PTH2R: variants seen among roughly 807,000 people sequenced by gnomAD.
The protein encoded by PTH2R is parathyroid hormone 2 receptor, also known as PTH2 receptor.
Under a neutral mutation model 60.3 loss-of-function variants are expected in PTH2R, and 59 were observed. The ratio of observed to expected loss-of-function variants is 0.98; its 90% CI spans 0.79 to 1.22. The LOEUF is 1.22. PTH2R is among the 50% of genes most tolerant of loss of function. The pLI is 0.00. For synonymous variants in PTH2R, 256 were observed against 243.8 expected (o/e 1.05, Z -0.47); for missense variants, 749 against 682.6 (o/e 1.10, Z -1.08).
Position 208,442,470 on chromosome 2 carries a change from TGC to T in PTH2R, c.509+10_509+11del. On this transcript the variant is annotated intron_variant, in intron 5 of 12. Transcript: ENST00000272847. ...ATCATTGGTTACTTCAGGTGAGTGA[TGC>T]CCATCACTTTTTCCATGAAGGGGCA... is the stretch of plus-strand genomic sequence containing the variant. The T allele has an allele frequency of 6.3e-7, 1 of 1,575,226 alleles. No homozygotes were observed. The highest frequency in any genetic ancestry group is 8.7e-7 in the Non-Finnish European group (1 of 1,144,678).
chr2:208,397,640 G>A (rs2105820397), intron 1 of PTH2R, among the ~76,000 whole-genome samples: 1 of 152,314 alleles, frequency 6.6e-6, no homozygotes, highest in African/African-American at 2.4e-5. Flanking sequence ...TATATGAGGA[G>A]GCTGGAGGAG....
At chr2:208,440,677 A>C (rs969498430) in intron 4 of PTH2R, among the ~76,000 whole-genome samples, 4 of 152,202 alleles carry the variant, frequency 2.6e-5, no homozygotes, top group Non-Finnish European at 5.9e-5. Flanking sequence ...CAGGCTATTG[A>C]AGGGGACAAA....
At chr2:208,435,128 T>TAGAGATCAGAACCTTATCTGATCTC (rs1367418232) in intron 2 of PTH2R, among the ~76,000 whole-genome samples, 1 of 152,244 alleles carries the variant, frequency 6.6e-6, no homozygotes, top group Non-Finnish European at 1.5e-5. Flanking sequence ...TATTTTTCTG[T>TAGAGATCAGAACCTTATCTGATCTC]AGAGATCAGT....
chr2:208,425,932 T>A (rs1701849400), intron 1 of PTH2R, among the ~76,000 whole-genome samples: 1 of 152,218 alleles, frequency 6.6e-6, no homozygotes, highest in Admixed American at 6.5e-5. Context: ...TCTCTCTGCC[T>A]TTTAGAATAT....
Position 208,437,867 on chromosome 2 carries a change from A to G in PTH2R, c.397A>G (p.Ile133Val), listed in dbSNP as rs1483364186. The G allele has an allele frequency of 1.2e-6, 2 of 1,613,500 alleles. No individual in the cohort carries two copies. Among genetic ancestry groups the G allele is most frequent in the Admixed American group, 3.3e-5 (2 of 59,994 alleles). ...CTGCCTTCGCTTTCTGCAGCCAGAT[A>G]TCAGCATAGGAAAGGTAATGGAATT... Reference protein sequence around the residue: ...SDCLRFLQPDISIGKQEFFER... With the variant: ...SDCLRFLQPDVSIGKQEFFER... Residue 133 changes from isoleucine (I) to valine (V), a missense_variant, in exon 4 of 13, where the codon ATC becomes GTC. Ile to Val is a conservative substitution (Grantham distance 29). Coordinates refer to ENST00000272847, the MANE Select transcript of PTH2R (RefSeq NM_005048.4).
Position 208,428,265 on chromosome 2 carries a change from A to G in PTH2R, c.140A>G (p.Gln47Arg). The G allele has an allele frequency of 3.7e-6, 6 of 1,613,566 alleles. No individual in the cohort carries two copies. The highest frequency in any genetic ancestry group is 5.1e-6 in the Non-Finnish European group (6 of 1,179,810). Residue 47 changes from glutamine (Q) to arginine (R), a missense_variant, in exon 2 of 13, where the codon CAA (glutamine) becomes CGA (arginine). Gln to Arg is a conservative substitution (Grantham distance 43, BLOSUM62 1). Coordinates refer to ENST00000272847, the MANE Select transcript of PTH2R (RefSeq NM_005048.4). ...QIVLVLKAKV[Q>R]CELNITAQLQ... ...GTCCTTGTGCTGAAAGCGAAAGTAC[A>G]ATGTGAACTCAACATCACAGCTCAA...
chr2:208,441,274 A>G (rs1237277557), intron 4 of PTH2R, among the ~76,000 whole-genome samples: 3 of 152,216 alleles, frequency 2.0e-5, no homozygotes, highest in Non-Finnish European at 4.4e-5. Flanking sequence ...AGAGACATAT[A>G]GGGCGAAGTC....
chr2:208,371,603 T>C (rs1224717614), intron 1 of PTH2R, among the ~76,000 whole-genome samples: 1 of 152,114 alleles, frequency 6.6e-6, no homozygotes, highest in Non-Finnish European at 1.5e-5. Flanking sequence ...CCTCCCAACA[T>C]GACCAAGCTT....
intron 4 of PTH2R, among the ~76,000 whole-genome samples, chr2:208,441,798 G>A (rs773622112): frequency 3.2e-4 from 48 of 152,222 alleles, no homozygotes; most frequent in Non-Finnish European, 4.0e-4. Context: ...ATAAATATGC[G>A]TGTCGCATCA....
intron 1 of PTH2R, among the ~76,000 whole-genome samples, chr2:208,369,366 C>CTTTTTTT (rs34110985): frequency 0.032 from 4,301 of 134,692 alleles, 157 homozygotes; most frequent in African/African-American, 0.064. Context: ...ACTGGTCTCT[C>CTTTTTTT]TCTCTTTTTT....
intron 7 of PTH2R, among the ~76,000 whole-genome samples, chr2:208,446,669 A>T (rs1702293791): frequency 6.6e-6 from 1 of 152,228 alleles, no homozygotes; most frequent in South Asian, 2.1e-4. Flanking sequence ...TCTAGGGCAT[A>T]TATAATGAAA....
At chr2:208,382,867 G>A (rs1386029772) in intron 1 of PTH2R, among the ~76,000 whole-genome samples, 1 of 152,244 alleles carries the variant, frequency 6.6e-6, no homozygotes, top group Non-Finnish European at 1.5e-5. Flanking sequence ...CACACTGCAT[G>A]CTGCTAGTGT....
intron 9 of PTH2R, chr2:208,466,097 A>C (rs1702745808): frequency 6.6e-6 from 1 of 152,200 alleles, no homozygotes; most frequent in Admixed American, 6.5e-5. Flanking sequence ...TTTTTCACTC[A>C]CAGTCATTTA....
intron 1 of PTH2R, among the ~76,000 whole-genome samples, chr2:208,413,836 G>A (rs1420220089): frequency 6.6e-6 from 1 of 152,192 alleles, no homozygotes; most frequent in Non-Finnish European, 1.5e-5. Context: ...GTTTTGGTCA[G>A]GAGCATGCTC....
intron 1 of PTH2R, among the ~76,000 whole-genome samples, chr2:208,411,175 G>A (rs1701532905): frequency 6.6e-6 from 1 of 152,190 alleles, no homozygotes; most frequent in Non-Finnish European, 1.5e-5. Flanking sequence ...GAACCCTGGA[G>A]GCAGAGGTTG....
chr2:208,456,688 T>C (rs1702520988), intron 8 of PTH2R, among the ~76,000 whole-genome samples: 1 of 152,206 alleles, frequency 6.6e-6, no homozygotes, highest in Non-Finnish European at 1.5e-5. Flanking sequence ...CACTTTCTAG[T>C]CAGACCTTTG....
intron 1 of PTH2R, among the ~76,000 whole-genome samples, chr2:208,380,251 T>G (rs1464409280): frequency 6.6e-6 from 1 of 152,166 alleles, no homozygotes; most frequent in Non-Finnish European, 1.5e-5. Flanking sequence ...AGGAAAGCTG[T>G]GTAGCAGAGG....
chr2:208,398,452 A>G (rs1415964817), intron 1 of PTH2R, among the ~76,000 whole-genome samples: 3 of 152,222 alleles, frequency 2.0e-5, no homozygotes, highest in East Asian at 3.8e-4. Flanking sequence ...CAATGTTCCA[A>G]TCATTTCTGA....
intron 1 of PTH2R, among the ~76,000 whole-genome samples, chr2:208,386,569 G>C (rs1701006483): frequency 6.6e-6 from 1 of 152,112 alleles, no homozygotes; most frequent in Non-Finnish European, 1.5e-5. Flanking sequence ...AGTCAGGTTG[G>C]GTTGTTATAA....
Sources: gnomAD v4.1 joint callset for allele counts (sites outside exome capture counted in the v4.1 genomes callset) on GRCh38, gnomAD v4.1.1 for gene constraint, MANE v1.5 for transcripts, NCBI Gene and HGNC (gene_info 2026-07-23, HGNC 2026-07-21) for gene names.